The following PITPNM2 variants were observed in gnomAD, a reference collection of about 807,000 sequenced individuals.
PITPNM2 encodes membrane-associated phosphatidylinositol transfer protein 2.
PITPNM2 carries 35 observed loss-of-function variants against 132.2 expected under a neutral mutation model. The ratio of observed to expected loss-of-function variants is 0.26; its 90% CI spans 0.20 to 0.35. PITPNM2 has a LOEUF of 0.35. Ranked by LOEUF, PITPNM2 falls within the 10% of genes least tolerant of loss-of-function variation. PITPNM2 has a pLI of 1.00. For synonymous variants in PITPNM2, 738 were observed against 799.2 expected (o/e 0.92, Z 1.29); for missense variants, 1,332 against 1,912.0 (o/e 0.70, Z 5.66).
chr12:123,111,759 C>T lies in PITPNM2; in HGVS notation c.-199-1271G>A, dbSNP rs996384863. 2.6e-5 allele frequency among the ~76,000 whole-genome samples: 4 copies of T among 152,224 alleles called. No individual in the cohort carries two copies. Among genetic ancestry groups the T allele is most frequent in the South Asian group, 2.1e-4 (1 of 4,828 alleles). On this transcript the variant is annotated intron_variant, in intron 1 of 25. Coordinates refer to ENST00000320201, the MANE Select transcript of PITPNM2 (RefSeq NM_020845.3). This position sits in a 1 kb window ranked among gnomAD's most constrained non-coding sequence, Gnocchi z 4.1. ...CACACCCACATACACACTCAACCCC[C>T]GGAACAGATGAAACAGCCCAGGCAC... is the stretch of plus-strand genomic sequence containing the variant.
intron 2 of PITPNM2, among the ~76,000 whole-genome samples, chr12:123,043,963 G>C (rs922972128): frequency 6.6e-6 from 1 of 152,144 alleles, no homozygotes; most frequent in Non-Finnish European, 1.5e-5. Flanking sequence ...AGAATTATTT[G>C]GAACTCACCT....
rs2041813748 is a variant in PITPNM2, at chr12:123,077,098, T to G, written c.-96+33287A>C. On this transcript the variant is annotated intron_variant, in intron 2 of 25. Transcript: ENST00000320201. The surrounding 1 kb of genome is among the most constrained non-coding windows in gnomAD (Gnocchi z 4.8). Reference sequence around the variant, plus strand: ...GATGGGGAAGAAATGATGCAGAATGTTGACCCACTGGGCAGCAGGCTTGAA... The same window carrying G: ...GATGGGGAAGAAATGATGCAGAATGGTGACCCACTGGGCAGCAGGCTTGAA... 6.6e-6 allele frequency among the ~76,000 whole-genome samples: 1 copy of G among 152,152 alleles called. No individual in the cohort carries two copies. The highest frequency in any genetic ancestry group is 1.5e-5 in the Non-Finnish European group (1 of 68,028).
At position 123,077,824 on chromosome 12, in the gene PITPNM2, G is replaced by A. The variant is rs758770112; in HGVS notation, c.-96+32561C>T. On this transcript the variant is annotated intron_variant, in intron 2 of 25. Transcript: ENST00000320201. This position sits in a 1 kb window ranked among gnomAD's most constrained non-coding sequence, Gnocchi z 4.8. ...AGGAAGCCAATGTGAGGGAAGGGGT[G>A]GGGGGACAAAGTATCAGAGCCAGGA... Among the ~76,000 whole-genome samples, 3 of 152,150 alleles carry A rather than the reference G, an allele frequency of 2.0e-5. No individual in the cohort carries two copies. The highest frequency in any genetic ancestry group is 2.1e-4 in the South Asian group (1 of 4,802).
chr12:123,034,375 C>T (rs1490826019), intron 3 of PITPNM2, 138 bp downstream of exon 3: 6 of 778,620 alleles, frequency 7.7e-6, no homozygotes, highest in Non-Finnish European at 8.4e-6. Context: ...AGGGGTCCAG[C>T]ACAATTCACA....
At chr12:123,052,562 T>C (rs149149526) in intron 2 of PITPNM2, among the ~76,000 whole-genome samples, 261 of 152,266 alleles carry the variant, frequency 1.7e-3, no homozygotes, top group African/African-American at 5.8e-3. Context: ...CAAGGCTACA[T>C]GAGCCATGAT....
intron 3 of PITPNM2, among the ~76,000 whole-genome samples, chr12:123,025,043 T>A (rs560598803): frequency 6.6e-6 from 1 of 152,324 alleles, no homozygotes; most frequent in South Asian, 2.1e-4. Context: ...CCTCTAAGCA[T>A]CTCTCTGCCA....
chr12:123,149,292 CTT>C lies in PITPNM2; in HGVS notation c.-200+1459_-200+1460del, dbSNP rs1390021208. On this transcript the variant is annotated intron_variant, in intron 1 of 25. Coordinates refer to ENST00000320201, the MANE Select transcript of PITPNM2 (RefSeq NM_020845.3). ...ACTCACTACCCAGAGAATCTGGAGT[CTT>C]TGCCTGGCCATCTTCAGGGCAGAGG... Among the ~76,000 whole-genome samples the C allele has an allele frequency of 2.0e-5, 3 of 152,328 alleles. No homozygotes were observed. The East Asian group carries it at 5.8e-4, about 29-fold the overall frequency.
chr12:122,995,491 C>T lies in PITPNM2; in HGVS notation c.1952G>A (p.Ser651Asn), dbSNP rs761698390. ...CCTTTTGGGGTCCTCAGTGCCGTTG[C>T]TGCGGGGGATGTCGACGTTGCTTCG... is the stretch of plus-strand genomic sequence containing the variant. Reference protein sequence around the residue: ...LSRSNVDIPRSNGTEDPKRQL... With the variant: ...LSRSNVDIPRNNGTEDPKRQL... Residue 651 changes from serine (S) to asparagine (N), a missense_variant, in exon 14 of 26, where the codon AGC (serine) becomes AAC (asparagine). Physicochemically the swap from Ser to Asn is conservative, Grantham distance 46. Around this residue, in one of 6 missense-constraint regions of PITPNM2, gnomAD observed 710 missense variants for 911.5 expected, o/e 0.78. Transcript: ENST00000320201. The T allele has an allele frequency of 1.2e-6, 2 of 1,613,944 alleles. No homozygotes were observed. Among genetic ancestry groups the T allele is most frequent in the South Asian group, 2.2e-5 (2 of 91,082 alleles).
In PITPNM2 at chr12:123,005,531, C is replaced by T; in HGVS notation, c.661G>A (p.Val221Met). Residue 221 changes from valine to methionine, a missense_variant, in exon 7 of 26, where the codon GTG becomes ATG. By Grantham distance (21) the Val-to-Met change is conservative. Transcript: ENST00000320201. The surrounding 1 kb of genome is among the most constrained non-coding windows in gnomAD (Gnocchi z 6.2). ...CACCAGGCCTGCCGGTGAGCCCGCA[C>T]CATCACCCTCCGTAGTCCTGTGCCC... ...IHDTGLRRVM[V>M]RAHRQAWCWQ... 1 of 1,613,510 alleles carries T rather than the reference C, an allele frequency of 6.2e-7. No individual in the cohort carries two copies. The highest frequency in any genetic ancestry group is 1.7e-5 in the Admixed American group (1 of 60,018).
chr12:123,072,003 G>A (rs369856514), intron 2 of PITPNM2, among the ~76,000 whole-genome samples: 2 of 152,198 alleles, frequency 1.3e-5, no homozygotes, highest in African/African-American at 4.8e-5. Context: ...GAAGTCAGGC[G>A]GAAGGAGTGT....
intron 2 of PITPNM2, among the ~76,000 whole-genome samples, chr12:123,062,285 C>T (rs1419993180): frequency 6.6e-6 from 1 of 152,158 alleles, no homozygotes; most frequent in African/African-American, 2.4e-5. Flanking sequence ...TTGGTTTACT[C>T]ATCTGTAAAG....
chr12:123,109,375 G>A (rs929696397), intron 2 of PITPNM2, among the ~76,000 whole-genome samples: 9 of 152,206 alleles, frequency 5.9e-5, no homozygotes, highest in African/African-American at 2.2e-4. Flanking sequence ...AGCTTGGGAG[G>A]CCAGGGGCTC....
chr12:122,985,389 G>A lies in PITPNM2; in HGVS notation c.*638C>T, dbSNP rs2037893868. On this transcript the variant is annotated 3_prime_UTR_variant, in exon 26 of 26. Transcript: ENST00000320201. ...GCAGGCAGACAGGTGGGCAGGGTCC[G>A]GGGTGCAGAAATTAAGATACAGCCT... 1 of 152,400 alleles carries A rather than the reference G, an allele frequency of 6.6e-6. No individual in the cohort carries two copies. Among genetic ancestry groups the A allele is most frequent in the African/African-American group, 2.4e-5 (1 of 41,372 alleles). The allele number at this position is 152,400 out of a possible 1,614,324, so 9.4% of individuals were successfully genotyped here.
chr12:123,044,785 T>C (rs2040599088), intron 2 of PITPNM2, among the ~76,000 whole-genome samples: 1 of 152,158 alleles, frequency 6.6e-6, no homozygotes, highest in Non-Finnish European at 1.5e-5. Context: ...GTTACTTTTT[T>C]ATCATTAATT....
At chr12:123,050,874 G>A (rs1221342849) in intron 2 of PITPNM2, among the ~76,000 whole-genome samples, 1 of 152,094 alleles carries the variant, frequency 6.6e-6, no homozygotes, top group East Asian at 1.9e-4. Context: ...GGGAAGAAAC[G>A]AAACACAAAG....
At chr12:123,085,568 A>C (rs2042088803) in intron 2 of PITPNM2, among the ~76,000 whole-genome samples, 1 of 152,202 alleles carries the variant, frequency 6.6e-6, no homozygotes, top group Non-Finnish European at 1.5e-5. Context: ...ATGATAAAAA[A>C]AATTCTGGAA....
Position 123,060,486 on chromosome 12 carries a change from G to A in PITPNM2, c.-95-25801C>T, listed in dbSNP as rs192559112. Among the ~76,000 whole-genome samples the A allele has an allele frequency of 3.1e-3, 466 of 152,312 alleles. 3 individuals carry two copies. Among genetic ancestry groups the A allele is most frequent in the African/African-American group, 0.011 (445 of 41,556 alleles). On this transcript the variant is annotated intron_variant, in intron 2 of 25. Coordinates refer to ENST00000320201, the MANE Select transcript of PITPNM2 (RefSeq NM_020845.3). ...ACAGTCCCTCTGCCAAGCCCCCAGC[G>A]CCTGACACTTCCACCCAATGCTCAC...
rs190515020 is a variant in PITPNM2 at position 123,068,271 on chromosome 12, T to C, written c.-95-33586A>G. Among the ~76,000 whole-genome samples the C allele has an allele frequency of 5.5e-3, 839 of 151,962 alleles. 2 individuals carry two copies. Among genetic ancestry groups the C allele is most frequent in the Middle Eastern group, 0.024 (7 of 294 alleles). On this transcript the variant is annotated intron_variant, in intron 2 of 25. Transcript: ENST00000320201. ...TCACAAAGTCAGGAGATCGAGAACA[T>C]CCTGGCTAACACGGTGAAACCCCGT...
chr12:123,061,658 A>G (rs937099543), intron 2 of PITPNM2, among the ~76,000 whole-genome samples: 1 of 152,222 alleles, frequency 6.6e-6, no homozygotes, highest in African/African-American at 2.4e-5. Flanking sequence ...CTCACAGGAA[A>G]TGGGAAAGAA....
Sources: gnomAD v4.1 joint callset for allele counts (sites outside exome capture counted in the v4.1 genomes callset) on GRCh38, gnomAD v4.1.1 for gene constraint, gnomAD v4.1.1 regional missense constraint, Gnocchi (gnomAD v3.1) non-coding constraint, MANE v1.5 for transcripts, NCBI Gene and HGNC (gene_info 2026-07-23, HGNC 2026-07-21) for gene names.